The following ULK4 variants were observed in gnomAD, a reference collection of about 807,000 sequenced individuals.
ULK4 encodes unc-51 like kinase 4, also known as inactive serine/threonine-protein kinase ULK4.
ULK4 carries 133 observed loss-of-function variants against 160.6 expected under a neutral mutation model. That is an observed-to-expected ratio of 0.83 (90% CI 0.72 to 0.96). ULK4 has a LOEUF of 0.96. Among genes scored for constraint, ULK4 ranks in the 40% least tolerant of loss-of-function variants. The pLI, the probability that ULK4 is intolerant of heterozygous loss-of-function variation, is 0.00. For missense variants in ULK4, 1,580 were observed against 1,499.5 expected (o/e 1.05, Z -0.89); for synonymous variants, 534 against 539.8 (o/e 0.99, Z 0.15).
intron 32 of ULK4, among the ~76,000 whole-genome samples, chr3:41,487,359 T>C (rs1396525260): frequency 6.6e-6 from 1 of 152,160 alleles, no homozygotes; most frequent in African/African-American, 2.4e-5. Context: ...GTTGATTTTA[T>C]AGTTCATTTG....
At chr3:41,571,816 T>C (rs1441376760) in intron 31 of ULK4, among the ~76,000 whole-genome samples, 11 of 152,282 alleles carry the variant, frequency 7.2e-5, no homozygotes, top group Non-Finnish European at 8.8e-5. Flanking sequence ...TTTCCAATCC[T>C]CAGAGCTCAT....
At chr3:41,864,511 G>A (rs763775097) in intron 17 of ULK4, among the ~76,000 whole-genome samples, 2 of 151,864 alleles carry the variant, frequency 1.3e-5, no homozygotes, top group Non-Finnish European at 2.9e-5. Context: ...ATCCTTGCAG[G>A]AGGGATGATA....
chr3:41,534,965 A>T (rs1283956947), intron 32 of ULK4, among the ~76,000 whole-genome samples: 3 of 152,234 alleles, frequency 2.0e-5, no homozygotes, highest in Non-Finnish European at 2.9e-5. Flanking sequence ...ATGTATGTGT[A>T]TGTGTGTATA....
chr3:41,504,304 C>A (rs2085307963), intron 32 of ULK4, among the ~76,000 whole-genome samples: 1 of 152,128 alleles, frequency 6.6e-6, no homozygotes, highest in Non-Finnish European at 1.5e-5. Flanking sequence ...TCTCCCTCAC[C>A]TAAAACATAA....
chr3:41,438,414 C>T (rs1405092186), intron 34 of ULK4, among the ~76,000 whole-genome samples: 1 of 152,116 alleles, frequency 6.6e-6, no homozygotes, highest in African/African-American at 2.4e-5. Flanking sequence ...AGCATGTGAC[C>T]TTCCAGTCAG....
chr3:41,409,776 T>G (rs930433729), intron 34 of ULK4, among the ~76,000 whole-genome samples: 1 of 151,576 alleles, frequency 6.6e-6, no homozygotes, highest in Admixed American at 6.6e-5. Flanking sequence ...TGGTGAAACC[T>G]CATCTCTACT....
At chr3:41,518,727 A>C (rs1025508041) in intron 32 of ULK4, among the ~76,000 whole-genome samples, 2 of 152,216 alleles carry the variant, frequency 1.3e-5, no homozygotes, top group Non-Finnish European at 2.9e-5. Flanking sequence ...TCTATCAGTT[A>C]AGGGAAAAAA....
intron 32 of ULK4, among the ~76,000 whole-genome samples, chr3:41,514,492 C>G (rs1219738223): frequency 6.6e-6 from 1 of 152,112 alleles, no homozygotes; most frequent in South Asian, 2.1e-4. Flanking sequence ...ACTTCATTAA[C>G]AAATCAAAGC....
At chr3:41,857,963 CTCTGA>C (rs2042400487) in intron 17 of ULK4, among the ~76,000 whole-genome samples, 1 of 151,912 alleles carries the variant, frequency 6.6e-6, no homozygotes, top group African/African-American at 2.4e-5. Flanking sequence ...TTTATTTCTG[CTCTGA>C]TCTTTATTAT....
chr3:41,879,964 A>G (rs1697451107), intron 17 of ULK4, among the ~76,000 whole-genome samples: 1 of 152,048 alleles, frequency 6.6e-6, no homozygotes, highest in Non-Finnish European at 1.5e-5. Flanking sequence ...TAAAAATACA[A>G]AATAAATTAG....
intron 29 of ULK4, among the ~76,000 whole-genome samples, chr3:41,666,138 T>A (rs746578338): frequency 3.9e-5 from 6 of 152,134 alleles, no homozygotes; most frequent in Non-Finnish European, 8.8e-5. Flanking sequence ...TGAGCCTTGG[T>A]GTCCAGGGTT....
intron 34 of ULK4, among the ~76,000 whole-genome samples, chr3:41,404,409 C>A (rs1202489762): frequency 6.6e-6 from 1 of 152,062 alleles, no homozygotes; most frequent in African/African-American, 2.4e-5. Context: ...ACCACTCCTG[C>A]TTTTAAAAAT....
At chr3:41,814,933 G>A (rs1335541443) in intron 19 of ULK4, among the ~76,000 whole-genome samples, 1 of 140,542 alleles carries the variant, frequency 7.1e-6, no homozygotes, top group Non-Finnish European at 1.5e-5. Flanking sequence ...TTTTGAGATG[G>A]AGTCTTGTTC....
chr3:41,549,502 AT>A (rs965354646), intron 32 of ULK4, among the ~76,000 whole-genome samples: 38 of 152,282 alleles, frequency 2.5e-4, no homozygotes, highest in African/African-American at 8.9e-4. Context: ...ATAAAAAATA[AT>A]AAAAATTTAA....
intron 34 of ULK4, among the ~76,000 whole-genome samples, chr3:41,415,278 T>C (rs1170844026): frequency 6.6e-6 from 1 of 152,204 alleles, no homozygotes; most frequent in Admixed American, 6.5e-5. Flanking sequence ...GGCCTGATCC[T>C]GTCTTTTCTG....
chr3:41,808,147 C>T (rs1288084965), intron 19 of ULK4, among the ~76,000 whole-genome samples: 3 of 152,108 alleles, frequency 2.0e-5, no homozygotes, highest in Non-Finnish European at 4.4e-5. Context: ...AAGCTGTATC[C>T]TCTATCCTAG....
intron 1 of ULK4, among the ~76,000 whole-genome samples, chr3:41,960,045 T>G (rs973905645): frequency 1.5e-4 from 1 of 6,774 alleles, no homozygotes; most frequent in Non-Finnish European, 0.17. Flanking sequence ...AAAATCTTGA[T>G]TTTTTTTTTT....
intron 31 of ULK4, among the ~76,000 whole-genome samples, chr3:41,575,736 G>C (rs983498597): frequency 6.6e-6 from 1 of 152,258 alleles, no homozygotes; most frequent in Non-Finnish European, 1.5e-5. Context: ...TGCTGAGCTT[G>C]TCTTTAGAAT....
At chr3:41,954,830 A>G in intron 1 of ULK4, 23 bp from the exon 2 acceptor site, 2 of 1,443,742 alleles carry the variant, frequency 1.4e-6, no homozygotes, top group Non-Finnish European at 1.9e-6. Context: ...CAAAAATGAC[A>G]TTGATAAATG....
Sources: allele counts gnomAD v4.1 joint callset (sites outside exome capture counted in the v4.1 genomes callset), GRCh38; gene constraint gnomAD v4.1.1; transcripts MANE v1.5; gene names NCBI Gene and HGNC (gene_info 2026-07-23, HGNC 2026-07-21).